The following ABL2 variants were observed in gnomAD, a reference collection of about 807,000 sequenced individuals.
ABL2 encodes ABL proto-oncogene 2, non-receptor tyrosine kinase.
Under a neutral mutation model 107.7 loss-of-function variants are expected in ABL2, and 49 were observed. The observed-to-expected ratio is 0.45, with a 90% CI of 0.36 to 0.58. The LOEUF (loss-of-function observed/expected upper bound fraction) is 0.58, where lower values mean the gene tolerates loss of function less well. Among genes scored for constraint, ABL2 ranks in the 20% least tolerant of loss-of-function variants. ABL2 has a pLI of 0.00. For missense variants in ABL2, 1,245 were observed against 1,457.0 expected (o/e 0.85, Z 2.37); for synonymous variants, 549 against 548.6 (o/e 1.00, Z -0.01).
At chr1:179,113,392 T>C (rs1213705742) in intron 9 of ABL2, among the ~76,000 whole-genome samples, 12 of 152,316 alleles carry the variant, frequency 7.9e-5, no homozygotes, top group African/African-American at 2.6e-4. Context: ...ACTGTATACA[T>C]TCAGAAATAT....
intron 1 of ABL2, among the ~76,000 whole-genome samples, chr1:179,189,878 C>T (rs188298691): frequency 5.3e-5 from 8 of 151,668 alleles, no homozygotes; most frequent in African/African-American, 1.9e-4. Context: ...TGGAGTGCAA[C>T]GGCGTGATCT....
chr1:179,216,919 T>C (rs1662595903), intron 1 of ABL2, among the ~76,000 whole-genome samples: 1 of 151,156 alleles, frequency 6.6e-6, no homozygotes, highest in African/African-American at 2.4e-5. Flanking sequence ...CCTGACCTCA[T>C]GATCTGCCTG....
In ABL2 at chr1:179,099,530, G is replaced by A. The variant is rs1652924703; in HGVS notation, c.*8188C>T. On this transcript the variant is annotated 3_prime_UTR_variant, in exon 12 of 12. Transcript: ENST00000502732. ...GAAAATATATTACAATAACAATTAA[G>A]AACAAATACCTGACAACACTGGTAA... is the stretch of plus-strand genomic sequence containing the variant. 1 of 225,664 alleles carries A rather than the reference G, an allele frequency of 4.4e-6. No homozygotes were observed. Among genetic ancestry groups the A allele is most frequent in the South Asian group, 1.8e-4 (1 of 5,466 alleles). The allele number at this position is 225,664 out of a possible 1,614,324, so 14.0% of individuals were successfully genotyped here. A position where few individuals can be genotyped will look rare whatever the true frequency, so the allele number is the denominator to read the frequency against.
chr1:179,187,677 T>A (rs113694198), intron 1 of ABL2, among the ~76,000 whole-genome samples: 1 of 152,238 alleles, frequency 6.6e-6, no homozygotes, highest in African/African-American at 2.4e-5. Context: ...ATGTTCATTA[T>A]GAATTCATTT....
rs1236949294 is a variant in ABL2, at chr1:179,107,223, C to T, written c.*495G>A. 2 of 235,142 alleles carry T rather than the reference C, an allele frequency of 8.5e-6. No individual in the cohort carries two copies. 14.6% of individuals were successfully genotyped at this position (235,142 alleles called of 1,614,324 possible). ...CAGCAATGGCCTTGTGGAAGCAAGG[C>T]TAACAGCTACTTCCAACAGCCCTGA... On this transcript the variant is annotated 3_prime_UTR_variant, in exon 12 of 12. Coordinates refer to ENST00000502732, the MANE Select transcript of ABL2 (RefSeq NM_007314.4).
intron 1 of ABL2, among the ~76,000 whole-genome samples, chr1:179,204,670 C>T (rs1661853456): frequency 6.6e-6 from 1 of 152,022 alleles, no homozygotes; most frequent in Non-Finnish European, 1.5e-5. Flanking sequence ...TCGCTTGAAC[C>T]TGAGAGGCAG....
intron 1 of ABL2, among the ~76,000 whole-genome samples, chr1:179,218,427 C>T (rs771341958): frequency 7.2e-5 from 11 of 152,036 alleles, no homozygotes; most frequent in Non-Finnish European, 8.8e-5. Context: ...GAGACAGTCT[C>T]GCTCTGTCAC....
chr1:179,200,235 TG>T (rs1326874518), intron 1 of ABL2, among the ~76,000 whole-genome samples: 4 of 151,272 alleles, frequency 2.6e-5, no homozygotes, highest in Non-Finnish European at 5.9e-5. Flanking sequence ...TTAGTAGAGA[TG>T]GGGTTTTGCC....
At chr1:179,201,971 G>A (rs1661697336) in intron 1 of ABL2, 1 of 1,112,270 alleles carries the variant, frequency 9.0e-7, no homozygotes, top group Non-Finnish European at 1.1e-6. Flanking sequence ...CAATCTCAGG[G>A]GTCCGAGGAA....
intron 1 of ABL2, among the ~76,000 whole-genome samples, chr1:179,177,712 A>G (rs1249586888): frequency 6.6e-6 from 1 of 152,248 alleles, no homozygotes; most frequent in Non-Finnish European, 1.5e-5. Flanking sequence ...AAAAGTGGAC[A>G]GTCCTTTTCT....
chr1:179,176,092 T>G (rs2102786384), intron 1 of ABL2, among the ~76,000 whole-genome samples: 1 of 152,078 alleles, frequency 6.6e-6, no homozygotes, highest in African/African-American at 2.4e-5. Context: ...TGACCTCAAG[T>G]GACCCGCCTG....
At chr1:179,228,494 A>G (rs1189187194) in intron 1 of ABL2, among the ~76,000 whole-genome samples, 1 of 152,196 alleles carries the variant, frequency 6.6e-6, no homozygotes, top group Non-Finnish European at 1.5e-5. Flanking sequence ...ATATGGGCAC[A>G]CGCACACACT....
At chr1:179,141,102 C>T (rs897482761) in intron 1 of ABL2, among the ~76,000 whole-genome samples, 4 of 114,002 alleles carry the variant, frequency 3.5e-5, no homozygotes, top group Non-Finnish European at 7.0e-5. Flanking sequence ...GGTGACAAAG[C>T]AAGACTCTGT....
chr1:179,138,936 C>T (rs901424700), intron 1 of ABL2, among the ~76,000 whole-genome samples: 3 of 152,204 alleles, frequency 2.0e-5, no homozygotes, highest in East Asian at 3.9e-4. Context: ...CACTCACACT[C>T]GGAGCAGCCA....
At position 179,195,680 on chromosome 1, in the gene ABL2, C is replaced by T. The variant is rs555314270; in HGVS notation, c.157+33561G>A. Reference sequence around the variant, plus strand: ...TAAAGAAAATGGGCTACATACACACCATTAAATATCATTCAGCCCTTAAAT... The same window carrying T: ...TAAAGAAAATGGGCTACATACACACTATTAAATATCATTCAGCCCTTAAAT... On this transcript the variant is annotated intron_variant, in intron 1 of 11. Transcript: ENST00000502732. Among the ~76,000 whole-genome samples, 3 of 152,216 alleles carry T rather than the reference C, an allele frequency of 2.0e-5. No homozygotes were observed. The East Asian group carries it at 5.8e-4, about 29-fold the overall frequency.
chr1:179,176,702 C>CTTTTTT (rs35138436), intron 1 of ABL2, among the ~76,000 whole-genome samples: 6 of 107,302 alleles, frequency 5.6e-5, no homozygotes, highest in African/African-American at 1.8e-4. Context: ...GTTACATATT[C>CTTTTTT]TTTTTTTTTT....
rs370174968 is a variant in ABL2 at position 179,099,363 on chromosome 1, A to G, written c.*8355T>C. 2.0e-4 allele frequency: 40 copies of G among 200,944 alleles called. No homozygotes were observed. Among genetic ancestry groups the G allele is most frequent in the African/African-American group, 6.9e-4 (30 of 43,684 alleles). The allele number at this position is 200,944 out of a possible 1,614,324, so 12.4% of individuals were successfully genotyped here. On this transcript the variant is annotated 3_prime_UTR_variant, in exon 12 of 12. Transcript: ENST00000502732. ...TAAAATATTGCAACCTTTATTTAAAACAGAACACAACTTGGCAAACCTTGT... is the reference window on the plus strand; with the variant it reads ...TAAAATATTGCAACCTTTATTTAAAGCAGAACACAACTTGGCAAACCTTGT...
At chr1:179,117,129 C>T (rs1228872645) in intron 8 of ABL2, 3 of 599,614 alleles carry the variant, frequency 5.0e-6, no homozygotes, top group Non-Finnish European at 8.6e-6. Flanking sequence ...GCCACCACAC[C>T]AGGCCTATAC....
chr1:179,141,829 A>T (rs1342226952), intron 1 of ABL2, among the ~76,000 whole-genome samples: 1 of 152,268 alleles, frequency 6.6e-6, no homozygotes, highest in African/African-American at 2.4e-5. Flanking sequence ...AACTTTTTCA[A>T]AGAGAAAAAC....
Sources: allele counts gnomAD v4.1 joint callset (sites outside exome capture counted in the v4.1 genomes callset), GRCh38; gene constraint gnomAD v4.1.1; transcripts MANE v1.5; gene names NCBI Gene and HGNC (gene_info 2026-07-23, HGNC 2026-07-21).